Variants in SKAP1 observed in about 807,000 individuals in gnomAD.
The protein encoded by SKAP1 is src kinase associated phosphoprotein 1.
A neutral mutation model predicts 58.5 loss-of-function variants in SKAP1; 44 were observed. That is an observed-to-expected ratio of 0.75 (90% confidence interval 0.59 to 0.97). The LOEUF is 0.97. Ranked by LOEUF, SKAP1 falls within the 50% of genes least tolerant of loss-of-function variation. The pLI, the probability that SKAP1 is intolerant of heterozygous loss-of-function variation, is 0.00. For synonymous variants in SKAP1, 127 were observed against 149.7 expected (o/e 0.85, Z 1.11); for missense variants, 390 against 435.2 (o/e 0.90, Z 0.92).
intron 1 of SKAP1, among the ~76,000 whole-genome samples, chr17:48,404,899 C>T (rs2067549929): frequency 6.6e-6 from 1 of 151,836 alleles, no homozygotes. Context: ...ACATCCTAGG[C>T]AAAATGATTT....
intron 11 of SKAP1, among the ~76,000 whole-genome samples, chr17:48,157,289 G>T (rs377505422): frequency 6.6e-6 from 1 of 151,462 alleles, no homozygotes; most frequent in East Asian, 1.9e-4. Flanking sequence ...AAGCTGGAGC[G>T]CAGTGGCGTA....
intron 4 of SKAP1, among the ~76,000 whole-genome samples, chr17:48,336,892 T>C (rs1003539542): frequency 2.1e-4 from 32 of 152,322 alleles, no homozygotes; most frequent in Middle Eastern, 3.4e-3. Flanking sequence ...TAACCCTATG[T>C]TTTGTTGATT....
chr17:48,256,714 G>A (rs1256310223), intron 4 of SKAP1, among the ~76,000 whole-genome samples: 1 of 152,024 alleles, frequency 6.6e-6, no homozygotes, highest in East Asian at 1.9e-4. Context: ...TGAAAGGAGA[G>A]AAGGAAGGTA....
intron 4 of SKAP1, among the ~76,000 whole-genome samples, chr17:48,339,911 G>A (rs552578035): frequency 1.3e-5 from 2 of 152,176 alleles, no homozygotes; most frequent in South Asian, 2.1e-4. Context: ...GGCCGGGCGC[G>A]GTGGCTCATG....
At position 48,326,072 on chromosome 17, in the gene SKAP1, T is replaced by C. The variant is rs79890855; in HGVS notation, c.280+19833A>G. Reference sequence around the variant, plus strand: ...CGTAAATCTACAAGTTATAACCAAGTAGAATATAGGGAAATTTAAAAATAG... The same window carrying C: ...CGTAAATCTACAAGTTATAACCAAGCAGAATATAGGGAAATTTAAAAATAG... On this transcript the variant is annotated intron_variant, in intron 4 of 12. Coordinates refer to ENST00000336915, the MANE Select transcript of SKAP1 (RefSeq NM_003726.4). 5.9e-4 allele frequency among the ~76,000 whole-genome samples: 90 copies of C among 152,332 alleles called. 1 individual carries two copies. In the East Asian group the frequency reaches 0.015, roughly 26 times the overall value.
intron 1 of SKAP1, among the ~76,000 whole-genome samples, chr17:48,407,415 GA>G (rs943304041): frequency 6.6e-6 from 1 of 152,164 alleles, no homozygotes; most frequent in African/African-American, 2.4e-5. Context: ...TGATAAGAAA[GA>G]AAAAGAGTGG....
Position 48,187,862 on chromosome 17 carries a change from G to A in SKAP1, c.423C>T (p.Tyr141=), listed in dbSNP as rs766023837. Residue 141 remains tyrosine, a synonymous_variant, in exon 6 of 13, where the codon TAC becomes TAT. Transcript: ENST00000336915. ...RWCVVSRGLF[Y]YYANEKSKQP... ...ACTTACTCTTCTCATTAGCATAGTA[G>A]TAGAAGAGACCTCTGCTGACAACAC... 2 of 1,611,702 alleles carry A rather than the reference G, an allele frequency of 1.2e-6. No homozygotes were observed. Among genetic ancestry groups the A allele is most frequent in the Non-Finnish European group, 8.5e-7 (1 of 1,177,846 alleles).
chr17:48,414,754 C>A (rs763397719), intron 1 of SKAP1, among the ~76,000 whole-genome samples: 2 of 152,152 alleles, frequency 1.3e-5, no homozygotes, highest in Non-Finnish European at 2.9e-5. Context: ...ATGATTATCA[C>A]ACCCCAGCGA....
upstream of SKAP1, among the ~76,000 whole-genome samples, chr17:48,433,512 C>G (rs748538852): frequency 2.0e-5 from 3 of 152,292 alleles, no homozygotes; most frequent in Admixed American, 1.3e-4. Context: ...CCGTCCCCCC[C>G]AGACCCAATT....
intron 4 of SKAP1, among the ~76,000 whole-genome samples, chr17:48,191,673 G>A (rs917976851): frequency 2.0e-5 from 3 of 152,134 alleles, no homozygotes; most frequent in African/African-American, 4.8e-5. Flanking sequence ...GTTATAAAAA[G>A]GTAGATCAGA....
chr17:48,341,015 T>A (rs2066643788), intron 4 of SKAP1, among the ~76,000 whole-genome samples: 1 of 152,234 alleles, frequency 6.6e-6, no homozygotes, highest in Non-Finnish European at 1.5e-5. Flanking sequence ...TTCCCTCATG[T>A]GGATTAGATG....
At chr17:48,391,262 C>A (rs2067341824) in intron 2 of SKAP1, among the ~76,000 whole-genome samples, 1 of 151,950 alleles carries the variant, frequency 6.6e-6, no homozygotes, top group African/African-American at 2.4e-5. Flanking sequence ...TTCCAGATAG[C>A]CTCACATATG....
At chr17:48,288,278 A>G (rs2065857214) in intron 4 of SKAP1, among the ~76,000 whole-genome samples, 1 of 152,230 alleles carries the variant, frequency 6.6e-6, no homozygotes, top group African/African-American at 2.4e-5. Flanking sequence ...TTAAATAGCA[A>G]TAATTCTCTC....
intron 11 of SKAP1, among the ~76,000 whole-genome samples, chr17:48,147,301 T>G (rs2143102585): frequency 6.6e-6 from 1 of 152,280 alleles, no homozygotes; most frequent in Non-Finnish European, 1.5e-5. Context: ...CTTATTAGTG[T>G]TTGTGCATCA....
At chr17:48,440,033 C>G in the SKAP1 span, among the ~76,000 whole-genome samples, 1 of 152,148 alleles carries the variant, frequency 6.6e-6, no homozygotes, top group African/African-American at 2.4e-5. Context: ...CACCAGGACG[C>G]GGGCTGGTGG....
chr17:48,438,900 G>A, the SKAP1 span, among the ~76,000 whole-genome samples: 1 of 152,146 alleles, frequency 6.6e-6, no homozygotes, highest in African/African-American at 2.4e-5. Flanking sequence ...ATGGCCTAGA[G>A]ATGAGGCTAG....
At chr17:48,247,719 G>A (rs1398913825) in intron 4 of SKAP1, among the ~76,000 whole-genome samples, 1 of 152,018 alleles carries the variant, frequency 6.6e-6, no homozygotes, top group Non-Finnish European at 1.5e-5. Context: ...GCAGGGAGGT[G>A]TCAAGTGCAA....
rs2067745994 is a variant in SKAP1, at chr17:48,417,490, A to G, written c.46+12585T>C. The stretch of plus-strand genomic sequence containing the variant: ...CCAGGTGCAGTGGCTAACGCCTGTA[A>G]TCCCAGCACTTTGGGAAGCCGAGGC... On this transcript the variant is annotated intron_variant, in intron 1 of 12. Coordinates refer to ENST00000336915, the MANE Select transcript of SKAP1 (RefSeq NM_003726.4). Among the ~76,000 whole-genome samples, 2 of 152,256 alleles carry G rather than the reference A, an allele frequency of 1.3e-5. 1 individual carries two copies. Among genetic ancestry groups the G allele is most frequent in the South Asian group, 4.1e-4 (2 of 4,834 alleles).
At chr17:48,359,245 A>G (rs1344145299) in intron 3 of SKAP1, among the ~76,000 whole-genome samples, 1 of 152,102 alleles carries the variant, frequency 6.6e-6, no homozygotes, top group Non-Finnish European at 1.5e-5. Flanking sequence ...ATCTCATCTC[A>G]TCTATATTTA....
Sources: gnomAD v4.1 joint callset for allele counts (sites outside exome capture counted in the v4.1 genomes callset) on GRCh38, gnomAD v4.1.1 for gene constraint, MANE v1.5 for transcripts, NCBI Gene and HGNC (gene_info 2026-07-23, HGNC 2026-07-21) for gene names.